Variants in C9 observed in about 807,000 individuals in gnomAD.
C9 encodes the protein complement C9.
C9 carries 63 observed loss-of-function variants against 65.4 expected under a neutral mutation model. That is an observed-to-expected ratio of 0.96 (90% CI 0.79 to 1.19). The LOEUF is 1.19. C9 is among the 50% of genes most tolerant of loss of function. The pLI is 0.00. For synonymous variants in C9, 229 were observed against 227.9 expected (o/e 1.00, Z -0.04); for missense variants, 744 against 670.1 (o/e 1.11, Z -1.22).
chr5:39,315,804 G>A lies in C9; in HGVS notation c.841C>T (p.Gln281Ter). Residue 281 changes from glutamine to a stop codon, truncating the protein, a stop_gained, in exon 6 of 11, where the codon CAA (glutamine) becomes TAA (stop). Transcript: ENST00000263408. LOFTEE classifies it high-confidence loss of function. Reference sequence around the variant, plus strand: ...TTTGAAGAATATGACAAAAATAGTTGGTAAGTTTCATTTTTGGAATATGAA... The same window carrying A: ...TTTGAAGAATATGACAAAAATAGTTAGTAAGTTTCATTTTTGGAATATGAA... ...RFSYSKNETYQLFLSYSSKKE... is the reference protein window; with the variant it reads ...RFSYSKNETY 7 of 1,604,146 alleles carry A rather than the reference G, an allele frequency of 4.4e-6. No individual in the cohort carries two copies. Among genetic ancestry groups the A allele is most frequent in the Admixed American group, 1.7e-5 (1 of 59,936 alleles).
At chr5:39,341,935 C>T (rs761154810) in intron 2 of C9, among the ~76,000 whole-genome samples, 156 bp downstream of exon 2, 3 of 152,156 alleles carry the variant, frequency 2.0e-5, no homozygotes, top group Non-Finnish European at 4.4e-5. Flanking sequence ...TAAAGATTTC[C>T]TGGAAAAGTT....
chr5:39,343,723 C>A (rs1030882082), intron 1 of C9, among the ~76,000 whole-genome samples: 1 of 152,216 alleles, frequency 6.6e-6, no homozygotes, highest in Non-Finnish European at 1.5e-5. Flanking sequence ...GACAGACTGC[C>A]TCCTCAAGTG....
chr5:39,294,929 AACATC>A (rs2111849663), intron 9 of C9, among the ~76,000 whole-genome samples: 1 of 152,002 alleles, frequency 6.6e-6, no homozygotes, highest in Non-Finnish European at 1.5e-5. Flanking sequence ...ATAAATGAGA[AACATC>A]ACATCAGCAA....
At chr5:39,327,030 C>A (rs1396253131) in intron 5 of C9, among the ~76,000 whole-genome samples, 2 of 151,762 alleles carry the variant, frequency 1.3e-5, no homozygotes, top group Non-Finnish European at 2.9e-5. Flanking sequence ...AGATAGCAAC[C>A]AAAAAGCACG....
intron 6 of C9, among the ~76,000 whole-genome samples, chr5:39,314,268 G>A (rs1753535510): frequency 6.6e-6 from 1 of 151,934 alleles, no homozygotes; most frequent in South Asian, 2.1e-4. Context: ...TGACAAACAT[G>A]GAGAAACCCC....
chr5:39,327,195 T>G (rs558628227), intron 5 of C9, among the ~76,000 whole-genome samples: 1 of 152,134 alleles, frequency 6.6e-6, no homozygotes, highest in African/African-American at 2.4e-5. Context: ...TTGTACTCCT[T>G]GCCAAGGAGA....
chr5:39,293,788 G>A (rs1049513430), intron 9 of C9, among the ~76,000 whole-genome samples: 2 of 151,790 alleles, frequency 1.3e-5, no homozygotes, highest in African/African-American at 2.4e-5. Flanking sequence ...CATTTTCCAA[G>A]ATTAATCATA....
Position 39,351,950 on chromosome 5 carries a change from C to T in C9, c.78-9754G>A, listed in dbSNP as rs556330080. 1.5e-3 allele frequency among the ~76,000 whole-genome samples: 228 copies of T among 152,238 alleles called. 1 individual carries two copies. Among genetic ancestry groups the T allele is most frequent in the African/African-American group, 5.3e-3 (219 of 41,538 alleles). ...CCAATTTTCTGTATTAGTCTGTTCT[C>T]ACATGGCTATAAAGAACTACCTGAG... On this transcript the variant is annotated intron_variant, in intron 1 of 10. Coordinates refer to ENST00000263408, the MANE Select transcript of C9 (RefSeq NM_001737.5).
rs149711435 is a variant in C9 at position 39,321,975 on chromosome 5, A to T, written c.616-5946T>A. Among the ~76,000 whole-genome samples, 489 of 152,198 alleles carry T rather than the reference A, an allele frequency of 3.2e-3. 3 individuals are homozygous for T. The highest frequency in any genetic ancestry group is 0.011 in the African/African-American group (473 of 41,568). ...GAGAAAATTATTAAGGAAACATTGG[A>T]ACTGAACTACTCTTTAGTCCAAATG... is the stretch of plus-strand genomic sequence containing the variant. On this transcript the variant is annotated intron_variant, in intron 5 of 10. Coordinates refer to ENST00000263408, the MANE Select transcript of C9 (RefSeq NM_001737.5).
chr5:39,336,537 T>G (rs140145162), intron 4 of C9, among the ~76,000 whole-genome samples: 1 of 152,176 alleles, frequency 6.6e-6, no homozygotes, highest in Non-Finnish European at 1.5e-5. Flanking sequence ...AAATCATTAC[T>G]GTAAGTAAAA....
intron 10 of C9, among the ~76,000 whole-genome samples, chr5:39,287,779 T>C (rs564764768): frequency 6.6e-6 from 1 of 151,968 alleles, no homozygotes; most frequent in African/African-American, 2.4e-5. Flanking sequence ...ACAATGGGTA[T>C]GTATGGACAT....
Position 39,311,174 on chromosome 5 carries a change from T to TA in C9, c.1073dup (p.Ile359AsnfsTer6), listed in dbSNP as rs748464075. On this transcript the variant is annotated frameshift_variant, in exon 7 of 11. Transcript: ENST00000263408. LOFTEE classifies it high-confidence loss of function. ...TGGAAGCTTTATCCAAAACATATAT[T>TA]AGTTCATAGAGTCCTCCTAGAGACC... 58 of 1,613,100 alleles carry TA rather than the reference T, an allele frequency of 3.6e-5. No individual in the cohort carries two copies. Among genetic ancestry groups the TA allele is most frequent in the Non-Finnish European group, 4.7e-5 (55 of 1,179,252 alleles).
chr5:39,336,422 G>A (rs1474823678), intron 4 of C9, among the ~76,000 whole-genome samples: 3 of 151,950 alleles, frequency 2.0e-5, no homozygotes, highest in Non-Finnish European at 4.4e-5. Flanking sequence ...GTACCAAAAA[G>A]ATATTAATTG....
chr5:39,326,322 TC>T (rs1753747954), intron 5 of C9, among the ~76,000 whole-genome samples: 1 of 152,230 alleles, frequency 6.6e-6, no homozygotes. Flanking sequence ...TGCTATACTG[TC>T]TCCAATTTAT....
intron 9 of C9, 44 bp downstream of exon 9, chr5:39,306,573 A>G: frequency 1.4e-6 from 2 of 1,466,094 alleles, no homozygotes; most frequent in Non-Finnish European, 1.9e-6. Context: ...CATTTAATAA[A>G]AAAATGACAC....
intron 5 of C9, among the ~76,000 whole-genome samples, chr5:39,329,055 T>C (rs1432422520): frequency 1.3e-5 from 2 of 152,182 alleles, no homozygotes; most frequent in African/African-American, 2.4e-5. Context: ...AGAATTATAA[T>C]GAACACCTGA....
intron 9 of C9, among the ~76,000 whole-genome samples, chr5:39,293,780 T>C (rs961841207): frequency 8.6e-5 from 13 of 151,902 alleles, no homozygotes; most frequent in Non-Finnish European, 1.3e-4. Flanking sequence ...GCGTGGAACA[T>C]TTTCCAAGAT....
intron 1 of C9, among the ~76,000 whole-genome samples, chr5:39,350,334 G>T (rs1234209643): frequency 6.6e-6 from 1 of 152,154 alleles, no homozygotes; most frequent in Non-Finnish European, 1.5e-5. Flanking sequence ...GATGAGTGGG[G>T]ACACAGTGCC....
At chr5:39,326,995 G>C (rs1043712946) in intron 5 of C9, among the ~76,000 whole-genome samples, 9 of 152,064 alleles carry the variant, frequency 5.9e-5, no homozygotes, top group Admixed American at 4.6e-4. Context: ...TAGTTTTTCA[G>C]TATTCTGTGG....
Sources: allele counts gnomAD v4.1 joint callset (sites outside exome capture counted in the v4.1 genomes callset), GRCh38; gene constraint gnomAD v4.1.1; transcripts MANE v1.5; gene names NCBI Gene and HGNC (gene_info 2026-07-23, HGNC 2026-07-21).